Variants in CIITA observed in about 807,000 individuals in gnomAD.
The protein encoded by CIITA is MHC class II transactivator.
CIITA carries 72 observed loss-of-function variants against 115.1 expected under a neutral mutation model. The ratio of observed to expected loss-of-function variants is 0.63; its 90% CI spans 0.52 to 0.76. The LOEUF (loss-of-function observed/expected upper bound fraction) is 0.76. Ranked by LOEUF, CIITA falls within the 30% of genes least tolerant of loss-of-function variation. The pLI, the probability that CIITA is intolerant of heterozygous loss-of-function variation, is 0.00. For synonymous variants in CIITA, 763 were observed against 635.6 expected, an observed-to-expected ratio of 1.20 and a Z score of -3.02; for missense variants, 1,617 against 1,463.8, an observed-to-expected ratio of 1.10 and a Z score of -1.71.
intron 3 of CIITA, 84 bp from the exon 4 acceptor site, chr16:10,898,586 G>A: frequency 1.6e-6 from 2 of 1,267,360 alleles, no homozygotes; most frequent in Non-Finnish European, 2.2e-6. Flanking sequence ...GCCAGGCCCA[G>A]AGGTTCCCCA....
chr16:10,909,883 C>A lies in CIITA; in HGVS notation c.2817-305C>A, dbSNP rs368384198. ...CCAAGTAGCTGGGATTATAGGTGCA[C>A]GTCATCACACCGGATGATTTTTTAA... On this transcript the variant is annotated intron_variant, in intron 12 of 19. Coordinates refer to ENST00000324288, the MANE Select transcript of CIITA (RefSeq NM_000246.4). Among the ~76,000 whole-genome samples the A allele has an allele frequency of 3.3e-5, 5 of 152,006 alleles. No homozygotes were observed. In the East Asian group the frequency reaches 7.7e-4, roughly 24 times the overall value.
At position 10,942,039 on chromosome 16, in the gene CIITA, C is replaced by T; in HGVS notation, n.1165C>T. 7.3e-7 allele frequency: 1 copy of T among 1,360,928 alleles called. No homozygotes were observed. The highest frequency in any genetic ancestry group is 9.4e-7 in the Non-Finnish European group (1 of 1,059,788). 84.3% of individuals were successfully genotyped at this position (1,360,928 alleles called of 1,614,324 possible). A position where few individuals can be genotyped will look rare whatever the true frequency, so the allele number is the denominator to read the frequency against. ...TGGCAAGGGCGGCGGCCCGGCGATC[C>T]CGGCGAACTCAGCCGCTGCGGCGCC... is the stretch of plus-strand genomic sequence containing the variant. On this transcript the variant is annotated non_coding_transcript_exon_variant, in exon 2 of 2. Transcript: ENST00000573379. The surrounding 1 kb of genome is among the most constrained non-coding windows in gnomAD (Gnocchi z 5.0).
chr16:10,871,069 T>C (rs895643448), intron 1 of CIITA, among the ~76,000 whole-genome samples: 1 of 152,224 alleles, frequency 6.6e-6, no homozygotes, highest in African/African-American at 2.4e-5. Flanking sequence ...ACAGCCTGAG[T>C]GCCTGTCCTG....
intron 1 of CIITA, among the ~76,000 whole-genome samples, chr16:10,891,495 G>C (rs1014748307): frequency 2.0e-5 from 3 of 152,104 alleles, no homozygotes; most frequent in Non-Finnish European, 4.4e-5. Flanking sequence ...TATAGATATG[G>C]AATCATTTTA....
At chr16:10,911,807 T>C (rs993652122) in intron 13 of CIITA, among the ~76,000 whole-genome samples, 10 of 152,130 alleles carry the variant, frequency 6.6e-5, no homozygotes, top group African/African-American at 2.2e-4. Context: ...CACCTCAGCC[T>C]CCCAAAGTGC....
chr16:10,914,706 T>A (rs2039830300), intron 13 of CIITA, among the ~76,000 whole-genome samples: 2 of 152,206 alleles, frequency 1.3e-5, no homozygotes, highest in Admixed American at 6.5e-5. Flanking sequence ...GATCGCCTAG[T>A]GCCTCAGTTT....
chr16:10,902,814 C>G lies in CIITA; in HGVS notation c.772+13C>G, dbSNP rs751737619. ...TTCATCTACCATGGTGAGTGCGGGGCCTGGCTCCCCGACCACCTCTCCCTC... is the reference window on the plus strand; with the variant it reads ...TTCATCTACCATGGTGAGTGCGGGGGCTGGCTCCCCGACCACCTCTCCCTC... On this transcript the variant is annotated intron_variant, in intron 8 of 19. Coordinates refer to ENST00000324288, the MANE Select transcript of CIITA (RefSeq NM_000246.4). The G allele has an allele frequency of 6.2e-7, 1 of 1,614,012 alleles. No individual in the cohort carries two copies. Among genetic ancestry groups the G allele is most frequent in the Admixed American group, 1.7e-5 (1 of 60,022 alleles).
intron 1 of CIITA, among the ~76,000 whole-genome samples, chr16:10,890,708 C>T (rs955707501): frequency 2.0e-5 from 3 of 152,188 alleles, no homozygotes; most frequent in African/African-American, 7.2e-5. Context: ...CCCTTTGTCA[C>T]TCTCACAAAC....
chr16:10,907,183 T>G lies in CIITA; in HGVS notation c.1691T>G (p.Phe564Cys), dbSNP rs1023128085. The G allele has an allele frequency of 4.3e-6, 7 of 1,612,974 alleles. No individual in the cohort carries two copies. Among genetic ancestry groups the G allele is most frequent in the Non-Finnish European group, 5.9e-6 (7 of 1,179,798 alleles). Residue 564 changes from phenylalanine to cysteine, a missense_variant, in exon 11 of 20, where the codon TTT becomes TGT. Phe to Cys is a radical substitution (Grantham distance 205, BLOSUM62 -2). Transcript: ENST00000324288. This position sits in a 1 kb window ranked among gnomAD's most constrained non-coding sequence, Gnocchi z 5.0. ...VQSLSKADAL[F>C]ELSGFSMEQA... ...AGCCTGAGCAAGGCCGACGCCCTAT[T>G]TGAGCTGTCCGGCTTCTCCATGGAG...
chr16:10,882,108 A>G (rs1444529204), intron 1 of CIITA, among the ~76,000 whole-genome samples: 1 of 152,204 alleles, frequency 6.6e-6, no homozygotes, highest in African/African-American at 2.4e-5. Context: ...ACTATTGTGA[A>G]TAATCTTGCT....
intron 5 of CIITA, among the ~76,000 whole-genome samples, chr16:10,900,433 C>T (rs766043635): frequency 6.6e-6 from 1 of 151,974 alleles, no homozygotes; most frequent in Non-Finnish European, 1.5e-5. Flanking sequence ...ATATTTCCCC[C>T]CAAGATTTTA....
chr16:10,891,097 A>T (rs890718685), intron 1 of CIITA, among the ~76,000 whole-genome samples: 1 of 152,178 alleles, frequency 6.6e-6, no homozygotes, highest in Non-Finnish European at 1.5e-5. Context: ...AGCAGAGCTC[A>T]TCAATAAGTG....
chr16:10,892,630 G>A (rs2037712196), intron 1 of CIITA, among the ~76,000 whole-genome samples: 1 of 152,186 alleles, frequency 6.6e-6, no homozygotes, highest in Non-Finnish European at 1.5e-5. Flanking sequence ...AAGGGTCTTT[G>A]CAGATAGAAT....
In CIITA at chr16:10,903,821, G is replaced by T; in HGVS notation, c.863G>T (p.Ser288Ile). Residue 288 changes from serine (S) to isoleucine (I), a missense_variant, in exon 9 of 20, where the codon AGC (serine) becomes ATC (isoleucine). Physicochemically the swap from Ser to Ile is moderately radical, Grantham distance 142. Coordinates refer to ENST00000324288, the MANE Select transcript of CIITA (RefSeq NM_000246.4). ...PTSPDRPGSTSPFAPSATDLP... is the reference protein window; with the variant it reads ...PTSPDRPGSTIPFAPSATDLP... ...TCTCCAGACCGGCCAGGCTCCACCA[G>T]CCCCTTCGCTCCATCAGCCACTGAC... 6.2e-7 allele frequency: 1 copy of T among 1,614,162 alleles called. No individual in the cohort carries two copies. Among genetic ancestry groups the T allele is most frequent in the Non-Finnish European group, 8.5e-7 (1 of 1,180,032 alleles).
At chr16:10,885,172 T>C (rs1036820559) in intron 1 of CIITA, among the ~76,000 whole-genome samples, 19 of 152,072 alleles carry the variant, frequency 1.2e-4, no homozygotes, top group Non-Finnish European at 2.2e-4. Context: ...ACAAAACAAA[T>C]AGGCCTATCG....
intron 13 of CIITA, among the ~76,000 whole-genome samples, chr16:10,912,115 C>T (rs1287729597): frequency 3.3e-5 from 5 of 151,892 alleles, no homozygotes; most frequent in Non-Finnish European, 7.4e-5. Flanking sequence ...GTGGTATATT[C>T]GGTGCTGTTT....
Position 10,902,815 on chromosome 16 carries a change from C to T in CIITA, c.772+14C>T. On this transcript the variant is annotated intron_variant, in intron 8 of 19. Coordinates refer to ENST00000324288, the MANE Select transcript of CIITA (RefSeq NM_000246.4). The stretch of plus-strand genomic sequence containing the variant: ...TCATCTACCATGGTGAGTGCGGGGC[C>T]TGGCTCCCCGACCACCTCTCCCTCC... The T allele has an allele frequency of 6.2e-7, 1 of 1,614,012 alleles. No homozygotes were observed. Among genetic ancestry groups the T allele is most frequent in the Non-Finnish European group, 8.5e-7 (1 of 1,179,998 alleles).
intron 10 of CIITA, among the ~76,000 whole-genome samples, chr16:10,906,279 G>C (rs1488976273): frequency 6.6e-6 from 1 of 152,112 alleles, no homozygotes; most frequent in East Asian, 1.9e-4. Flanking sequence ...AGGATCGCAT[G>C]AGCCCAGGAG....
At position 10,868,925 on chromosome 16, in the gene CIITA, T is replaced by G. The variant is rs184407367; in HGVS notation, c.-21+2606T>G. Reference sequence around the variant, plus strand: ...TTTCTCTTTCTGCCCTCCAGCCAGCTTCCCTCCAGGGCTGCCAGGCTTGAC... The same window carrying G: ...TTTCTCTTTCTGCCCTCCAGCCAGCGTCCCTCCAGGGCTGCCAGGCTTGAC... On this transcript the variant is annotated intron_variant, in intron 1 of 5. Transcript: ENST00000636238. Among the ~76,000 whole-genome samples the G allele has an allele frequency of 2.6e-5, 4 of 152,358 alleles. No individual in the cohort carries two copies. In the East Asian group the frequency reaches 7.7e-4, roughly 29 times the overall value.
Sources: allele counts gnomAD v4.1 joint callset (sites outside exome capture counted in the v4.1 genomes callset), GRCh38; gene constraint gnomAD v4.1.1; non-coding constraint Gnocchi (gnomAD v3.1); transcripts MANE v1.5; gene names NCBI Gene and HGNC (gene_info 2026-07-23, HGNC 2026-07-21).